Variants in DNAJC21 observed in about 807,000 individuals in gnomAD.
The protein encoded by DNAJC21 is DnaJ heat shock protein family (Hsp40) member C21, also known as dnaJ homolog subfamily C member 21.
Under a neutral mutation model 72.4 loss-of-function variants are expected in DNAJC21, and 63 were observed. The ratio of observed to expected loss-of-function variants is 0.87; its 90% confidence interval spans 0.71 to 1.07. The LOEUF (loss-of-function observed/expected upper bound fraction) is 1.07, where lower values mean the gene tolerates loss of function less well. Among genes scored for constraint, DNAJC21 ranks in the 50% least tolerant of loss-of-function variants. The probability of loss-of-function intolerance (pLI) is 0.00; values close to 1 mark genes in which losing one functional copy is unlikely to be tolerated. For missense variants in DNAJC21, 634 were observed against 644.8 expected (o/e 0.98, Z 0.18); for synonymous variants, 203 against 216.7 (o/e 0.94, Z 0.56).
Position 34,941,150 on chromosome 5 carries a change from C to T in DNAJC21, c.950C>T (p.Pro317Leu), listed in dbSNP as rs1447907148. ...GAGCTCTATGATGACCTTTACTGCC[C>T]AGCATGTGACAAATCGTTCAAGACA... ...DAELYDDLYC[P>L]ACDKSFKTEK... is the part of the protein sequence containing the mutation. The change falls in exon 7 of 12, where the codon CCA becomes CTA. Residue 317 changes from proline (P) to leucine (L), a missense_variant. Pro to Leu is a moderately conservative substitution (Grantham distance 98, BLOSUM62 -3). Coordinates refer to ENST00000648817, the MANE Select transcript of DNAJC21 (RefSeq NM_001012339.3). 1.9e-6 allele frequency: 3 copies of T among 1,614,082 alleles called. No homozygotes were observed. Among genetic ancestry groups the T allele is most frequent in the Middle Eastern group, 1.6e-4 (1 of 6,062 alleles).
intron 1 of DNAJC21, among the ~76,000 whole-genome samples, chr5:34,931,191 GAGAT>G (rs1490778073): frequency 6.6e-6 from 1 of 152,176 alleles, no homozygotes. Context: ...GATGGAGTGA[GAGAT>G]AGAGGTGTGG....
chr5:34,951,576 G>A, intron 10 of DNAJC21: 1 of 981,772 alleles, frequency 1.0e-6, no homozygotes, highest in Non-Finnish European at 1.2e-6. Flanking sequence ...TGCCCAGGCT[G>A]GAGTACAGTG....
chr5:34,949,441 A>G, intron 9 of DNAJC21: 11 of 1,516,036 alleles, frequency 7.3e-6, no homozygotes, highest in Non-Finnish European at 9.8e-6. Flanking sequence ...CTATACAGGA[A>G]AAGGAGTAAT....
At chr5:34,945,844 A>T (rs1334834797) in intron 9 of DNAJC21, 41 bp downstream of exon 9, 1 of 1,384,858 alleles carries the variant, frequency 7.2e-7, no homozygotes, top group East Asian at 2.4e-5. Flanking sequence ...TGCCAACGAT[A>T]AAGTTGCAGT....
At position 34,937,431 on chromosome 5, in the gene DNAJC21, C is replaced by A; in HGVS notation, c.544C>A (p.Arg182=). The A allele has an allele frequency of 6.2e-7, 1 of 1,613,970 alleles. No individual in the cohort carries two copies. Among genetic ancestry groups the A allele is most frequent in the Non-Finnish European group, 8.5e-7 (1 of 1,180,002 alleles). Residue 182 remains arginine (R), a synonymous_variant, in exon 5 of 12, where the codon CGA becomes AGA. Transcript: ENST00000648817. ...TRQASNRWEK[R]AMEKENKKIR... is the part of the protein sequence containing the mutation. ...ACAGGCTTCAAACCGCTGGGAAAAACGAGCCATGGAAAAAGAAAACAAAAA... is the reference window on the plus strand; with the variant it reads ...ACAGGCTTCAAACCGCTGGGAAAAAAGAGCCATGGAAAAAGAAAACAAAAA...
At chr5:34,941,560 CTTTTTTTTTTTTT>C (rs765889955) in intron 7 of DNAJC21, among the ~76,000 whole-genome samples, 8 of 76,090 alleles carry the variant, frequency 1.1e-4, no homozygotes, top group South Asian at 5.7e-4. Context: ...CTTGTGTTTT[CTTTTTTTTTTTTT>C]TTTTTTTTTT....
intron 10 of DNAJC21, chr5:34,953,672 G>A: frequency 2.7e-6 from 1 of 373,162 alleles, no homozygotes. Context: ...TAAGGACCTT[G>A]TTTTAACTTT....
intron 4 of DNAJC21, 101 bp from the exon 5 acceptor site, chr5:34,937,225 G>GA: frequency 7.9e-7 from 1 of 1,266,262 alleles, no homozygotes; most frequent in Non-Finnish European, 1.1e-6. Flanking sequence ...TTATATACAT[G>GA]AAAAAAGAAA....
At chr5:34,938,682 A>T (rs545601475) in intron 5 of DNAJC21, among the ~76,000 whole-genome samples, 176 bp from the exon 6 acceptor site, 3 of 152,344 alleles carry the variant, frequency 2.0e-5, no homozygotes, top group Non-Finnish European at 4.4e-5. Flanking sequence ...ACCATACAAC[A>T]GGTAACAGGT....
intron 10 of DNAJC21, chr5:34,952,028 C>A (rs1765385426): frequency 1.0e-6 from 1 of 985,228 alleles, no homozygotes; most frequent in Non-Finnish European, 1.2e-6. Context: ...CTCTGCTGTC[C>A]CCTGGATCCA....
chr5:34,939,415 G>A (rs1366123213), intron 6 of DNAJC21, among the ~76,000 whole-genome samples: 2 of 152,054 alleles, frequency 1.3e-5, no homozygotes, highest in African/African-American at 4.8e-5. Flanking sequence ...ACAGGCGCCC[G>A]CCACCGCGCC....
intron 7 of DNAJC21, among the ~76,000 whole-genome samples, chr5:34,944,592 A>G (rs1156764054): frequency 1.3e-5 from 2 of 152,212 alleles, no homozygotes; most frequent in Admixed American, 1.3e-4. Flanking sequence ...GTATGTAGAT[A>G]AAAGGACAGA....
chr5:34,930,127 T>C, intron 1 of DNAJC21: 2 of 365,462 alleles, frequency 5.5e-6, no homozygotes, highest in Non-Finnish European at 1.0e-5. Context: ...ACACCCCATC[T>C]CCTCATACCC....
intron 5 of DNAJC21, 28 bp downstream of exon 5, chr5:34,937,658 T>G (rs752598127): frequency 6.9e-6 from 11 of 1,586,608 alleles, no homozygotes; most frequent in Non-Finnish European, 9.4e-6. Flanking sequence ...GGCCCTCTTC[T>G]CAGTATCGGT....
chr5:34,939,667 TA>T (rs1764920940), intron 6 of DNAJC21, among the ~76,000 whole-genome samples: 1 of 152,160 alleles, frequency 6.6e-6, no homozygotes, highest in Admixed American at 6.5e-5. Flanking sequence ...GTGTTGTGTA[TA>T]AATTCTTCCT....
rs554227190 is a variant in DNAJC21 at position 34,933,674 on chromosome 5, C to G, written c.98-141C>G. ...AACAAATCCTGATTATTGACTGTTA[C>G]GTGGAGTCTTTCTGCTTGGCCCTGG... On this transcript the variant is annotated intron_variant, in intron 1 of 11. Coordinates refer to ENST00000648817, the MANE Select transcript of DNAJC21 (RefSeq NM_001012339.3). 6.6e-4 allele frequency: 386 copies of G among 581,524 alleles called. 1 individual carries two copies. Among genetic ancestry groups the G allele is most frequent in the Middle Eastern group, 3.3e-3 (7 of 2,128 alleles). The allele number at this position is 581,524 out of a possible 1,614,324, so 36.0% of individuals were successfully genotyped here.
At chr5:34,938,463 T>C (rs919123918) in intron 5 of DNAJC21, among the ~76,000 whole-genome samples, 2 of 152,360 alleles carry the variant, frequency 1.3e-5, no homozygotes, top group African/African-American at 2.4e-5. Flanking sequence ...AGTTTTGTTA[T>C]TAAAAAGTTA....
intron 10 of DNAJC21, chr5:34,952,080 G>GGTGTGGACACTGGCCACCTACTGAGAA: frequency 1.0e-6 from 1 of 985,198 alleles, no homozygotes. Flanking sequence ...TCTCTGGAGT[G>GGTGTGGACACTGGCCACCTACTGAGAA]GTGTGGACAC....
rs891506055 is a variant in DNAJC21 at position 34,957,944 on chromosome 5, T to C, written c.*3230T>C. On this transcript the variant is annotated 3_prime_UTR_variant, in exon 12 of 12. Transcript: ENST00000648817. ...CCTTATCTGTTAAATTTAATGTCTT[T>C]ATACTAAAAATATAGGCTCTTGGGA... 1 of 152,236 alleles carries C rather than the reference T, an allele frequency of 6.6e-6. No homozygotes were observed. Among genetic ancestry groups the C allele is most frequent in the Admixed American group, 6.5e-5 (1 of 15,288 alleles). 9.4% of individuals were successfully genotyped at this position (152,236 alleles called of 1,614,324 possible).
Sources: allele counts gnomAD v4.1 joint callset (sites outside exome capture counted in the v4.1 genomes callset), GRCh38; gene constraint gnomAD v4.1.1; transcripts MANE v1.5; gene names NCBI Gene and HGNC (gene_info 2026-07-23, HGNC 2026-07-21).